Variants in RALGAPA2 observed in about 807,000 individuals in gnomAD.
RALGAPA2 encodes Ral GTPase activating protein catalytic subunit alpha 2, also known as ral GTPase-activating protein subunit alpha-2.
Under a neutral mutation model 230.4 loss-of-function variants are expected in RALGAPA2, and 139 were observed. That is an observed-to-expected ratio of 0.60 (90% CI 0.53 to 0.69). RALGAPA2 has a LOEUF of 0.69. RALGAPA2 is among the 30% of genes least tolerant of loss of function. The pLI, the probability that RALGAPA2 is intolerant of heterozygous loss-of-function variation, is 0.00. For missense variants in RALGAPA2, 2,163 were observed against 2,276.0 expected (o/e 0.95, Z 1.01); for synonymous variants, 847 against 837.8 (o/e 1.01, Z -0.19).
intron 10 of RALGAPA2, among the ~76,000 whole-genome samples, chr20:20,626,350 T>C (rs1319975395): frequency 6.6e-6 from 1 of 152,248 alleles, no homozygotes; most frequent in Non-Finnish European, 1.5e-5. Flanking sequence ...ATTTTAAACT[T>C]CACATACACA....
chr20:20,645,969 AT>A (rs1278742016), intron 4 of RALGAPA2, among the ~76,000 whole-genome samples: 1 of 151,638 alleles, frequency 6.6e-6, no homozygotes, highest in Non-Finnish European at 1.5e-5. Context: ...AAAAAAAAAA[AT>A]TAGCAAGAAA....
chr20:20,510,291 C>G (rs1402792249), intron 33 of RALGAPA2, among the ~76,000 whole-genome samples: 1 of 152,196 alleles, frequency 6.6e-6, no homozygotes, highest in Non-Finnish European at 1.5e-5. Flanking sequence ...CAAGATAAAG[C>G]AGGGCTCTGT....
chr20:20,561,598 T>G (rs74756712), intron 23 of RALGAPA2, among the ~76,000 whole-genome samples: 1 of 152,198 alleles, frequency 6.6e-6, no homozygotes, highest in Non-Finnish European at 1.5e-5. Context: ...CATTATGAAA[T>G]TGTACCCCCT....
chr20:20,572,456 A>C (rs953764063), intron 21 of RALGAPA2, among the ~76,000 whole-genome samples: 6 of 151,922 alleles, frequency 3.9e-5, no homozygotes, highest in Non-Finnish European at 7.4e-5. Flanking sequence ...CAAAAAAAAA[A>C]AAAAAACTTG....
At chr20:20,621,381 T>C (rs1031712204) in intron 10 of RALGAPA2, among the ~76,000 whole-genome samples, 4 of 151,852 alleles carry the variant, frequency 2.6e-5, no homozygotes, top group African/African-American at 2.4e-5. Flanking sequence ...ACTGATGTCA[T>C]GGTGTTGGCC....
chr20:20,490,861 AACACACACACACACAC>A (rs34230105), intron 36 of RALGAPA2, among the ~76,000 whole-genome samples: 6 of 142,212 alleles, frequency 4.2e-5, no homozygotes, highest in East Asian at 2.1e-4. Context: ...AACACACATG[AACACACACACACACAC>A]ACACACACAC....
intron 1 of RALGAPA2, among the ~76,000 whole-genome samples, chr20:20,690,322 C>T (rs186685669): frequency 1.3e-5 from 2 of 152,188 alleles, no homozygotes; most frequent in Admixed American, 1.3e-4. Flanking sequence ...TTGCAAGACC[C>T]CCCATTCCCT....
At chr20:20,489,930 T>C (rs1432290967) in intron 36 of RALGAPA2, among the ~76,000 whole-genome samples, 1 of 152,184 alleles carries the variant, frequency 6.6e-6, no homozygotes, top group Non-Finnish European at 1.5e-5. Context: ...TGGCTCTGGC[T>C]GGCCAAAGGA....
At chr20:20,461,529 A>T (rs938942049) in intron 37 of RALGAPA2, among the ~76,000 whole-genome samples, 1 of 152,210 alleles carries the variant, frequency 6.6e-6, no homozygotes, top group African/African-American at 2.4e-5. Flanking sequence ...GCAGAGCATG[A>T]TAGTAAGCAG....
intron 35 of RALGAPA2, among the ~76,000 whole-genome samples, chr20:20,498,263 C>T (rs929702054): frequency 1.3e-5 from 2 of 152,152 alleles, no homozygotes; most frequent in Non-Finnish European, 1.5e-5. Flanking sequence ...TGGAATGGAG[C>T]CGGTGTTTAT....
At chr20:20,471,496 A>G (rs1206016288) in intron 37 of RALGAPA2, 1 of 151,184 alleles carries the variant, frequency 6.6e-6, no homozygotes, top group African/African-American at 2.4e-5. Context: ...TTGACATGCA[A>G]ACTGACAAAC....
At chr20:20,623,117 A>C (rs1477261096) in intron 10 of RALGAPA2, among the ~76,000 whole-genome samples, 2 of 152,222 alleles carry the variant, frequency 1.3e-5, no homozygotes, top group African/African-American at 4.8e-5. Context: ...AGCAGACTAA[A>C]ACCTAACAGC....
chr20:20,472,732 T>C, intron 37 of RALGAPA2, 97 bp downstream of exon 37: 1 of 1,362,200 alleles, frequency 7.3e-7, no homozygotes, highest in East Asian at 2.5e-5. Context: ...CTCTTCCCTC[T>C]TCAATTCAGT....
intron 16 of RALGAPA2, among the ~76,000 whole-genome samples, chr20:20,600,245 G>C (rs1042283471): frequency 6.6e-6 from 1 of 152,184 alleles, no homozygotes; most frequent in African/African-American, 2.4e-5. Context: ...GCAATGAGCT[G>C]AGATCGCTCC....
At chr20:20,564,799 T>C (rs532836265) in intron 23 of RALGAPA2, among the ~76,000 whole-genome samples, 1 of 152,368 alleles carries the variant, frequency 6.6e-6, no homozygotes, top group African/African-American at 2.4e-5. Context: ...TATGTTATTC[T>C]TGAAAGTCAA....
intron 30 of RALGAPA2, among the ~76,000 whole-genome samples, chr20:20,523,012 G>A (rs1225281499): frequency 6.6e-6 from 1 of 151,384 alleles, no homozygotes; most frequent in African/African-American, 2.4e-5. Context: ...ATACTTTTTA[G>A]TAGAATTTCA....
At chr20:20,429,453 G>GT (rs1276359981) in intron 37 of RALGAPA2, among the ~76,000 whole-genome samples, 2 of 152,108 alleles carry the variant, frequency 1.3e-5, no homozygotes, top group Non-Finnish European at 2.9e-5. Flanking sequence ...GGAATAAATG[G>GT]TGACTTTCTA....
At chr20:20,589,047 C>G (rs1474963789) in intron 18 of RALGAPA2, among the ~76,000 whole-genome samples, 1 of 152,090 alleles carries the variant, frequency 6.6e-6, no homozygotes, top group Non-Finnish European at 1.5e-5. Context: ...AGGTGGTGAA[C>G]TCCATTTTCA....
In RALGAPA2 at chr20:20,679,209, C is replaced by T. The variant is rs1016219582; in HGVS notation, c.217+1482G>A. Among the ~76,000 whole-genome samples, 4 of 152,162 alleles carry T rather than the reference C, an allele frequency of 2.6e-5. No individual in the cohort carries two copies. In the East Asian group the frequency reaches 7.7e-4, roughly 29 times the overall value. On this transcript the variant is annotated intron_variant, in intron 2 of 39. Coordinates refer to ENST00000202677, the MANE Select transcript of RALGAPA2 (RefSeq NM_020343.4). ...CAGACTGCCCAAAGCCACTCTCACC[C>T]TCCTGCCTTCCAAATCTGGCTCCCC... is the stretch of plus-strand genomic sequence containing the variant.
Sources: allele counts gnomAD v4.1 joint callset (sites outside exome capture counted in the v4.1 genomes callset), GRCh38; gene constraint gnomAD v4.1.1; transcripts MANE v1.5; gene names NCBI Gene and HGNC (gene_info 2026-07-23, HGNC 2026-07-21).